The following IL1RAPL1 variants were observed in gnomAD, a reference collection of about 807,000 sequenced individuals.
IL1RAPL1 encodes the protein interleukin-1 receptor accessory protein-like 1.
Under a neutral mutation model 48.4 loss-of-function variants are expected in IL1RAPL1, and 3 were observed. That is an observed-to-expected ratio of 0.06 (90% CI 0.03 to 0.16). The LOEUF (loss-of-function observed/expected upper bound fraction) is 0.16. Ranked by LOEUF, IL1RAPL1 falls within the 10% of genes least tolerant of loss-of-function variation. The pLI is 1.00. For missense variants in IL1RAPL1, 349 were observed against 530.6 expected (o/e 0.66, Z 3.36); for synonymous variants, 185 against 187.7 (o/e 0.99, Z 0.12).
chrX:29,334,773 A>G (rs1466495976), intron 3 of IL1RAPL1, among the ~76,000 whole-genome samples: 26 of 107,083 alleles, frequency 2.4e-4, no homozygotes, highest in African/African-American at 9.4e-4. Flanking sequence ...CCGGGCAGAG[A>G]CGCTCCTCAC....
intron 2 of IL1RAPL1, among the ~76,000 whole-genome samples, chrX:28,956,034 G>T (rs1455928045): frequency 6.6e-5 from 7 of 106,303 alleles, no homozygotes; most frequent in African/African-American, 2.1e-4. Context: ...TGAAGCAATT[G>T]TGAATGGGAG....
intron 6 of IL1RAPL1, among the ~76,000 whole-genome samples, chrX:29,826,976 A>T (rs1435016461): frequency 8.9e-6 from 1 of 111,952 alleles, no homozygotes; most frequent in Non-Finnish European, 1.9e-5. Flanking sequence ...ATTCCCATCA[A>T]CACTGTATGA....
intron 5 of IL1RAPL1, among the ~76,000 whole-genome samples, chrX:29,418,123 A>ATT (rs1477273573): frequency 2.3e-3 from 68 of 29,464 alleles, no homozygotes; most frequent in East Asian, 0.018. Context: ...ATATATATAT[A>ATT]TATTTTTTTT....
chrX:28,893,199 T>C (rs765757239), intron 2 of IL1RAPL1, among the ~76,000 whole-genome samples: 2 of 111,736 alleles, frequency 1.8e-5, no homozygotes, highest in South Asian at 3.8e-4. Context: ...GGAGCGTCTA[T>C]ACAGGAGCTT....
chrX:29,191,872 T>C (rs776672257), intron 2 of IL1RAPL1, among the ~76,000 whole-genome samples: 3 of 111,559 alleles, frequency 2.7e-5, no homozygotes, highest in Non-Finnish European at 5.6e-5. Flanking sequence ...ATGTGGCCCT[T>C]ACAGAGATTT....
At chrX:29,332,595 A>C (rs2147634891) in intron 3 of IL1RAPL1, among the ~76,000 whole-genome samples, 1 of 94,644 alleles carries the variant, frequency 1.1e-5, no homozygotes, top group African/African-American at 3.7e-5. Context: ...AACATGGGAG[A>C]ACTTGGCCCA....
At chrX:29,486,057 ACAAG>A (rs1406800179) in intron 5 of IL1RAPL1, among the ~76,000 whole-genome samples, 1 of 111,428 alleles carries the variant, frequency 9.0e-6, no homozygotes, top group South Asian at 3.8e-4. Flanking sequence ...CTTTGTTTTA[ACAAG>A]CCCTGCAGGT....
At chrX:29,182,205 T>A (rs1177015048) in intron 2 of IL1RAPL1, among the ~76,000 whole-genome samples, 1 of 111,575 alleles carries the variant, frequency 9.0e-6, no homozygotes, top group African/African-American at 3.3e-5. Flanking sequence ...CATGCCTATG[T>A]AATGAAGCCT....
chrX:29,578,990 C>T (rs766366006), intron 5 of IL1RAPL1, among the ~76,000 whole-genome samples: 1 of 111,832 alleles, frequency 8.9e-6, no homozygotes, highest in South Asian at 3.7e-4. Flanking sequence ...CAGGGACACT[C>T]TTTATTTCAG....
At chrX:29,906,491 ATATATATATATATATAT>A (rs1932629230) in intron 6 of IL1RAPL1, among the ~76,000 whole-genome samples, 1 of 42,831 alleles carries the variant, frequency 2.3e-5, no homozygotes, top group Non-Finnish European at 4.1e-5. Flanking sequence ...ATATATATAT[ATATATATATATATATAT>A]ATATATATAT....
chrX:29,608,061 C>A (rs1010933023), intron 5 of IL1RAPL1, among the ~76,000 whole-genome samples: 1 of 112,140 alleles, frequency 8.9e-6, no homozygotes, highest in Non-Finnish European at 1.9e-5. Context: ...TTTTAATGCT[C>A]CACTTGGTGT....
At chrX:29,307,674 T>C (rs1055431203) in intron 3 of IL1RAPL1, among the ~76,000 whole-genome samples, 2 of 112,205 alleles carry the variant, frequency 1.8e-5, no homozygotes, top group African/African-American at 3.2e-5. Context: ...TTTTTTTCCC[T>C]TAATAGAAAG....
At chrX:29,254,169 A>G (rs1270131807) in intron 2 of IL1RAPL1, among the ~76,000 whole-genome samples, 3 of 111,385 alleles carry the variant, frequency 2.7e-5, no homozygotes, top group African/African-American at 9.8e-5. Context: ...ACAACTGAAA[A>G]AGCAAAAAAT....
intron 2 of IL1RAPL1, among the ~76,000 whole-genome samples, chrX:29,178,864 A>G (rs1239899494): frequency 8.9e-6 from 1 of 111,883 alleles, no homozygotes; most frequent in Non-Finnish European, 1.9e-5. Context: ...TCCTTTCCCC[A>G]TTGCTTGTTT....
At chrX:29,130,859 A>G (rs1282433451) in intron 2 of IL1RAPL1, among the ~76,000 whole-genome samples, 2 of 112,255 alleles carry the variant, frequency 1.8e-5, no homozygotes, top group African/African-American at 6.5e-5. Context: ...CTGGCTAACC[A>G]TGTTTTAAAA....
In IL1RAPL1 at chrX:29,839,216, C is replaced by T. The variant is rs201147210; in HGVS notation, c.779-78248C>T. On this transcript the variant is annotated intron_variant, in intron 6 of 10. Transcript: ENST00000378993. ...ACTATGAGCCAGTTTCTTAATCCCT[C>T]AGGCCCAGTTGCTGCTCATCTCATA... Among the ~76,000 whole-genome samples, 8 of 112,192 alleles carry T rather than the reference C, an allele frequency of 7.1e-5. No individual in the cohort carries two copies. The East Asian group carries it at 2.2e-3, about 31-fold the overall frequency.
chrX:28,905,394 A>G (rs1032424388), intron 2 of IL1RAPL1, among the ~76,000 whole-genome samples: 2 of 111,755 alleles, frequency 1.8e-5, no homozygotes, highest in Admixed American at 9.6e-5. Context: ...GAATGCTAAA[A>G]AAGTTTTTCC....
At chrX:29,831,134 G>T (rs1930865542) in intron 6 of IL1RAPL1, among the ~76,000 whole-genome samples, 1 of 111,631 alleles carries the variant, frequency 9.0e-6, no homozygotes, top group Admixed American at 9.5e-5. Flanking sequence ...ATATTTCTTG[G>T]CTGGCAAAAC....
rs189206188 is a variant in IL1RAPL1 at position 29,516,030 on chromosome X, G to A, written c.703+116722G>A. 2.7e-5 allele frequency among the ~76,000 whole-genome samples: 3 copies of A among 111,645 alleles called. No individual in the cohort carries two copies. The Admixed American group carries it at 2.9e-4, about 11-fold the overall frequency. On this transcript the variant is annotated intron_variant, in intron 5 of 10. Coordinates refer to ENST00000378993, the MANE Select transcript of IL1RAPL1 (RefSeq NM_014271.4). The stretch of plus-strand genomic sequence containing the variant: ...TCAAAGGTGATATGATGCCCTCTTT[G>A]TCCTTCTGATTTTCAGTGTTTTATG...
Sources: gnomAD v4.1 joint callset for allele counts (sites outside exome capture counted in the v4.1 genomes callset) on GRCh38, gnomAD v4.1.1 for gene constraint, MANE v1.5 for transcripts, NCBI Gene and HGNC (gene_info 2026-07-23, HGNC 2026-07-21) for gene names.